Variants in ERGIC1 observed in about 807,000 individuals in gnomAD.
The protein encoded by ERGIC1 is endoplasmic reticulum-Golgi intermediate compartment protein 1.
Under a neutral mutation model 38.3 loss-of-function variants are expected in ERGIC1, and 19 were observed. The ratio of observed to expected loss-of-function variants is 0.50; its 90% CI spans 0.35 to 0.73. The LOEUF (loss-of-function observed/expected upper bound fraction) is 0.73. Among genes scored for constraint, ERGIC1 ranks in the 30% least tolerant of loss-of-function variants. ERGIC1 has a pLI of 0.01. For synonymous variants in ERGIC1, 124 were observed against 157.6 expected, an observed-to-expected ratio of 0.79 and a Z score of 1.60; for missense variants, 294 against 389.2, an observed-to-expected ratio of 0.76 and a Z score of 2.06.
At chr5:172,927,884 C>A (rs1426304809) in intron 7 of ERGIC1, among the ~76,000 whole-genome samples, 3 of 152,184 alleles carry the variant, frequency 2.0e-5, no homozygotes, top group Non-Finnish European at 4.4e-5. Context: ...TCTGTCGTTT[C>A]CTGTGTTTCA....
chr5:172,935,505 T>G (rs1763870848), intron 9 of ERGIC1, 195 bp downstream of exon 9: 3 of 630,588 alleles, frequency 4.8e-6, no homozygotes, highest in Non-Finnish European at 5.3e-6. Context: ...TCAGTATCGA[T>G]GACGTTTTGT....
intron 1 of ERGIC1, among the ~76,000 whole-genome samples, chr5:172,877,456 ATATTTTT>A (rs1233470611): frequency 3.8e-5 from 3 of 79,768 alleles, no homozygotes; most frequent in African/African-American, 1.2e-4. Flanking sequence ...ATATATATAT[ATATTTTT>A]TTTTTTTTTT....
intron 4 of ERGIC1, among the ~76,000 whole-genome samples, chr5:172,910,324 G>T (rs6865509): frequency 0.66 from 100,533 of 151,770 alleles, 33,901 homozygotes; most frequent in Non-Finnish European, 0.74. Context: ...AAGACCTCCG[G>T]TCAGCCAAGA....
intron 4 of ERGIC1, among the ~76,000 whole-genome samples, chr5:172,914,201 C>T (rs952098288): frequency 7.0e-6 from 1 of 142,408 alleles, no homozygotes; most frequent in Non-Finnish European, 1.5e-5. Context: ...TGCCATTGCA[C>T]ACCAGCCTGG....
intron 1 of ERGIC1, among the ~76,000 whole-genome samples, chr5:172,862,458 G>A (rs2113109286): frequency 6.6e-6 from 1 of 152,148 alleles, no homozygotes; most frequent in East Asian, 1.9e-4. Flanking sequence ...GGTGAGGATG[G>A]CAATGGTGGT....
chr5:172,947,820 C>T (rs1011712989), intron 9 of ERGIC1, among the ~76,000 whole-genome samples: 1 of 151,182 alleles, frequency 6.6e-6, no homozygotes, highest in African/African-American at 2.4e-5. Flanking sequence ...TGCCAGGTGT[C>T]TGTGAGTCAT....
At chr5:172,908,919 C>A (rs1763129206) in intron 3 of ERGIC1, among the ~76,000 whole-genome samples, 1 of 152,174 alleles carries the variant, frequency 6.6e-6, no homozygotes, top group Non-Finnish European at 1.5e-5. Flanking sequence ...AGAGAGGAGG[C>A]TGTAAGGTCC....
At chr5:172,936,686 A>C (rs1252480802) in intron 9 of ERGIC1, 1 of 152,298 alleles carries the variant, frequency 6.6e-6, no homozygotes, top group Non-Finnish European at 1.5e-5. Context: ...TGAAAGGAGA[A>C]GCTGTTTGCA....
chr5:172,928,238 T>G (rs1307757340), intron 7 of ERGIC1, among the ~76,000 whole-genome samples: 1 of 152,184 alleles, frequency 6.6e-6, no homozygotes, highest in African/African-American at 2.4e-5. Context: ...AAACCTTGCC[T>G]TCTCCAGGGC....
intron 1 of ERGIC1, among the ~76,000 whole-genome samples, chr5:172,847,582 C>T (rs890525702): frequency 3.3e-5 from 5 of 152,106 alleles, no homozygotes; most frequent in African/African-American, 4.8e-5. Context: ...GGCATGATCT[C>T]GGCTCACTGC....
At chr5:172,946,929 T>A (rs1581592860) in intron 9 of ERGIC1, among the ~76,000 whole-genome samples, 1 of 151,430 alleles carries the variant, frequency 6.6e-6, no homozygotes, top group African/African-American at 2.4e-5. Context: ...ACACCTGTAA[T>A]CCCACCACTT....
chr5:172,889,187 G>A (rs1225612383), intron 2 of ERGIC1, among the ~76,000 whole-genome samples: 1 of 152,168 alleles, frequency 6.6e-6, no homozygotes, highest in East Asian at 1.9e-4. Flanking sequence ...GGGAGGCTGA[G>A]GCAGGAGAAT....
chr5:172,886,591 T>G lies in ERGIC1; in HGVS notation c.21-2108T>G, dbSNP rs376006201. On this transcript the variant is annotated intron_variant, in intron 1 of 9. Transcript: ENST00000393784. ...TGTTAGTAGGCACTGCGTAAATGTT[T>G]GTCAAACAAGCGTTAATAATAATAG... Among the ~76,000 whole-genome samples the G allele has an allele frequency of 1.4e-4, 22 of 152,214 alleles. 1 individual carries two copies. In the East Asian group the frequency reaches 2.5e-3, roughly 17 times the overall value.
chr5:172,912,742 G>C (rs1229415937), intron 4 of ERGIC1, among the ~76,000 whole-genome samples: 1 of 151,680 alleles, frequency 6.6e-6, no homozygotes, highest in Non-Finnish European at 1.5e-5. Context: ...CACGTAGTAA[G>C]TGCTATTTTA....
intron 2 of ERGIC1, among the ~76,000 whole-genome samples, chr5:172,890,639 A>G (rs754358143): frequency 1.3e-5 from 2 of 152,216 alleles, no homozygotes; most frequent in Non-Finnish European, 2.9e-5. Flanking sequence ...CATTTTCCCA[A>G]TGAGAAAATG....
At position 172,926,561 on chromosome 5, in the gene ERGIC1, C is replaced by A; in HGVS notation, c.533C>A (p.Thr178Asn). The change falls in exon 7 of 10, where the codon ACC becomes AAC. Residue 178 changes from threonine to asparagine, a missense_variant. Physicochemically the swap from Thr to Asn is moderately conservative, Grantham distance 65 (BLOSUM62 0). Coordinates refer to ENST00000393784, the MANE Select transcript of ERGIC1 (RefSeq NM_001031711.3). The surrounding 1 kb of genome is among the most constrained non-coding windows in gnomAD (Gnocchi z 5.2). The stretch of plus-strand genomic sequence containing the variant: ...GCTCTCGGGGGAGCAGACAGACTCA[C>A]CTCCAACCGTATGTATCCCTGCTGG... ...FNALGGADRL[T>N]SNPLASHDYI... 6.2e-7 allele frequency: 1 copy of A among 1,612,624 alleles called. No individual in the cohort carries two copies. Among genetic ancestry groups the A allele is most frequent in the East Asian group, 2.2e-5 (1 of 44,848 alleles).
At position 172,836,596 on chromosome 5, in the gene ERGIC1, G is replaced by A. The variant is rs141935612; in HGVS notation, c.20+2163G>A. On this transcript the variant is annotated intron_variant, in intron 1 of 9. Coordinates refer to ENST00000393784, the MANE Select transcript of ERGIC1 (RefSeq NM_001031711.3). ...AGGACCTGGGTTCTACTGAGGGTTC[G>A]ACCATCCCCATGCACCTTCCTCCGC... Among the ~76,000 whole-genome samples the A allele has an allele frequency of 3.0e-3, 450 of 152,286 alleles. 2 individuals carry two copies. Among genetic ancestry groups the A allele is most frequent in the African/African-American group, 0.01 (423 of 41,542 alleles).
At chr5:172,888,843 GGGA>G (rs1306754821) in intron 2 of ERGIC1, 83 bp downstream of exon 2, 4 of 1,301,526 alleles carry the variant, frequency 3.1e-6, no homozygotes, top group Non-Finnish European at 3.4e-6. Flanking sequence ...ATCTGGGCCA[GGGA>G]GGAAAGAAGG....
At position 172,846,340 on chromosome 5, in the gene ERGIC1, A is replaced by T. The variant is rs1761281571; in HGVS notation, c.20+11907A>T. On this transcript the variant is annotated intron_variant, in intron 1 of 9. Transcript: ENST00000393784. The surrounding 1 kb of genome is among the most constrained non-coding windows in gnomAD (Gnocchi z 4.0). ...GCGCTGTCTGTGCAGGACGCCCAGC[A>T]CTGGGCACTTTGAGTCACTTCTGAG... Among the ~76,000 whole-genome samples, 1 of 152,140 alleles carries T rather than the reference A, an allele frequency of 6.6e-6. No individual in the cohort carries two copies. Among genetic ancestry groups the T allele is most frequent in the Non-Finnish European group, 1.5e-5 (1 of 67,970 alleles).
Sources: allele counts gnomAD v4.1 joint callset (sites outside exome capture counted in the v4.1 genomes callset), GRCh38; gene constraint gnomAD v4.1.1; non-coding constraint Gnocchi (gnomAD v3.1); transcripts MANE v1.5; gene names NCBI Gene and HGNC (gene_info 2026-07-23, HGNC 2026-07-21).